The following DOCK6 variants were observed in gnomAD, a reference collection of about 807,000 sequenced individuals.
DOCK6 encodes dedicator of cytokinesis protein 6.
In DOCK6, 167 loss-of-function variants were observed where a neutral mutation model predicts 230.3. That is an observed-to-expected ratio of 0.73 (90% CI 0.64 to 0.82). The LOEUF (loss-of-function observed/expected upper bound fraction) is 0.82. DOCK6 is among the 40% of genes least tolerant of loss of function. The pLI is 0.00. For missense variants in DOCK6, 2,598 were observed against 2,825.8 expected (o/e 0.92, Z 1.83); for synonymous variants, 1,148 against 1,185.0 (o/e 0.97, Z 0.64).
intron 14 of DOCK6, chr19:11,239,576 G>A (rs770219255): frequency 7.6e-6 from 12 of 1,585,744 alleles, no homozygotes; most frequent in Middle Eastern, 1.7e-4. Flanking sequence ...GGGGATCAGT[G>A]GGGGTATGAG....
intron 14 of DOCK6, chr19:11,239,046 C>T (rs951126447): frequency 7.0e-5 from 11 of 158,048 alleles, no homozygotes; most frequent in South Asian, 1.9e-4. Context: ...CTAACATCAC[C>T]GCCATTTTAC....
chr19:11,218,966 C>T (rs1024689766), intron 28 of DOCK6, among the ~76,000 whole-genome samples: 4 of 148,736 alleles, frequency 2.7e-5, no homozygotes, highest in African/African-American at 1.0e-4. Flanking sequence ...ACAACCTCCG[C>T]CTCCCAGGTT....
intron 1 of DOCK6, chr19:11,254,012 G>A: frequency 6.1e-6 from 2 of 330,306 alleles, no homozygotes; most frequent in South Asian, 1.2e-4. Context: ...AGGTCTGGAG[G>A]GAGGCCCACG....
At chr19:11,215,365 A>G (rs749175847) in intron 32 of DOCK6, 22 bp downstream of exon 32, 2 of 1,609,708 alleles carry the variant, frequency 1.2e-6, no homozygotes, top group Non-Finnish European at 1.7e-6. Context: ...AACTCAGCAG[A>G]CACCCTCCTG....
chr19:11,219,277 G>A (rs1404322560), intron 28 of DOCK6, among the ~76,000 whole-genome samples: 2 of 141,876 alleles, frequency 1.4e-5, no homozygotes, highest in African/African-American at 5.1e-5. Flanking sequence ...TCTGCCTCCC[G>A]GGTTCAAGTG....
intron 30 of DOCK6, 166 bp from the exon 31 acceptor site, chr19:11,216,093 T>A: frequency 2.5e-6 from 2 of 815,206 alleles, no homozygotes; most frequent in Non-Finnish European, 3.6e-6. Context: ...AAAAAAAATT[T>A]TTTTTTTTTC....
At position 11,236,037 on chromosome 19, in the gene DOCK6, C is replaced by T. The variant is rs559668028; in HGVS notation, c.2393-278G>A. 1.8e-4 allele frequency: 88 copies of T among 494,718 alleles called. No individual in the cohort carries two copies. Among genetic ancestry groups the T allele is most frequent in the South Asian group, 9.8e-4 (32 of 32,658 alleles). The allele number at this position is 494,718 out of a possible 1,614,324, so 30.6% of individuals were successfully genotyped here. On this transcript the variant is annotated intron_variant, in intron 20 of 47. Transcript: ENST00000294618. This position sits in a 1 kb window ranked among gnomAD's most constrained non-coding sequence, Gnocchi z 5.2. Reference sequence around the variant, plus strand: ...CTGGGATTACAGGCATGCGCCACCACGCCCAGCTAATTTTGTATTTTTAGT... The same window carrying T: ...CTGGGATTACAGGCATGCGCCACCATGCCCAGCTAATTTTGTATTTTTAGT...
intron 1 of DOCK6, among the ~76,000 whole-genome samples, chr19:11,255,825 T>C (rs1306154625): frequency 2.0e-5 from 3 of 152,204 alleles, no homozygotes; most frequent in East Asian, 1.9e-4. Flanking sequence ...CTCGATCTGT[T>C]GCCCACGCTG....
At position 11,227,320 on chromosome 19, in the gene DOCK6, GACCCTGCATCTCTC is replaced by G; in HGVS notation, c.2955+3_2955+16del. 6.2e-7 allele frequency: 1 copy of G among 1,612,118 alleles called. No individual in the cohort carries two copies. Among genetic ancestry groups the G allele is most frequent in the East Asian group, 2.2e-5 (1 of 44,826 alleles). On this transcript the variant is annotated splice_donor_5th_base_variant and intron_variant, in intron 24 of 47. Transcript: ENST00000294618. ...TCCCTCAGGTTTCTTCCCACATTGA[GACCCTGCATCTCTC>G]ACCTTGTGGACACGGGTGATGACCT...
At chr19:11,241,797 C>T (rs1427218864) in intron 14 of DOCK6, 7 of 1,509,904 alleles carry the variant, frequency 4.6e-6, no homozygotes, top group Admixed American at 2.0e-5. Flanking sequence ...AGCCAGGGCG[C>T]CGGGCCCCAC....
intron 9 of DOCK6, among the ~76,000 whole-genome samples, chr19:11,244,941 T>C (rs2080009704): frequency 6.6e-6 from 1 of 152,184 alleles, no homozygotes; most frequent in Non-Finnish European, 1.5e-5. Flanking sequence ...ACTCTGGGCA[T>C]GGCTCTGAGC....
rs769171860 is a variant in DOCK6 at position 11,208,819 on chromosome 19, G to A, written c.4955C>T (p.Ser1652Phe). The A allele has an allele frequency of 1.2e-6, 2 of 1,613,028 alleles. No individual in the cohort carries two copies. Among genetic ancestry groups the A allele is most frequent in the East Asian group, 2.2e-5 (1 of 44,892 alleles). ...GATGGCGGACTCCTCTAGCACGTTGGATGAGATGTTCTGGGGTGGGAGAGG... is the reference window on the plus strand; with the variant it reads ...GATGGCGGACTCCTCTAGCACGTTGAATGAGATGTTCTGGGGTGGGAGAGG... The part of the protein sequence containing the change: ...VGCVSFQNIS[S>F]NVLEESAISD... Residue 1652 changes from serine to phenylalanine, a missense_variant, in exon 39 of 48, where the codon TCC (serine) becomes TTC (phenylalanine). By Grantham distance (155) the Ser-to-Phe change is radical. Coordinates refer to ENST00000294618, the MANE Select transcript of DOCK6 (RefSeq NM_020812.4).
Position 11,239,951 on chromosome 19 carries a change from C to T in DOCK6, c.1644-1647G>A, listed in dbSNP as rs554624483. On this transcript the variant is annotated intron_variant, in intron 14 of 47. Transcript: ENST00000294618. The stretch of plus-strand genomic sequence containing the variant: ...GAGACTCAGGTGGGCACCGTAGCTG[C>T]GACACTGTGGGGTGGCCAGGAGTCC... The T allele has an allele frequency of 1.5e-5, 24 of 1,569,218 alleles. No homozygotes were observed. The Admixed American group carries it at 1.9e-4, about 12-fold the overall frequency.
intron 39 of DOCK6, 56 bp downstream of exon 39, chr19:11,208,630 G>A: frequency 1.3e-6 from 2 of 1,575,440 alleles, no homozygotes; most frequent in Non-Finnish European, 1.7e-6. Context: ...AAGCAGATCT[G>A]ATGGCACCTC....
At chr19:11,245,995 C>A in intron 7 of DOCK6, 117 bp from the exon 8 acceptor site, 1 of 1,168,530 alleles carries the variant, frequency 8.6e-7, no homozygotes, top group Non-Finnish European at 1.2e-6. Context: ...CACATGGAAC[C>A]GCCACTTAAG....
chr19:11,214,472 G>T, intron 33 of DOCK6, 63 bp from the exon 34 acceptor site: 2 of 1,613,600 alleles, frequency 1.2e-6, no homozygotes, highest in Non-Finnish European at 8.5e-7. Flanking sequence ...GGAAAGGGAA[G>T]GAGAGGGATT....
intron 14 of DOCK6, chr19:11,240,026 C>A (rs537756153): frequency 1.3e-6 from 2 of 1,545,456 alleles, no homozygotes; most frequent in Non-Finnish European, 1.8e-6. Flanking sequence ...TTGCCCAGGA[C>A]TGAAGGGATT....
intron 24 of DOCK6, 39 bp downstream of exon 24, chr19:11,227,298 C>A: frequency 6.2e-7 from 1 of 1,605,480 alleles, no homozygotes; most frequent in Non-Finnish European, 8.5e-7. Context: ...TATGTCCTCC[C>A]TCAGGTTTCT....
At position 11,235,619 on chromosome 19, in the gene DOCK6, T is replaced by A; in HGVS notation, c.2533A>T (p.Thr845Ser). 3 of 1,600,218 alleles carry A rather than the reference T, an allele frequency of 1.9e-6. No homozygotes were observed. The highest frequency in any genetic ancestry group is 2.6e-6 in the Non-Finnish European group (3 of 1,172,380). The change falls in exon 21 of 48, where the codon ACT becomes TCT. Residue 845 changes from threonine (T) to serine (S), a missense_variant. Physicochemically the swap from Thr to Ser is moderately conservative, Grantham distance 58 (BLOSUM62 1). Transcript: ENST00000294618. Reference protein sequence around the residue: ...YVHYAFRLPGTEPSLPDGAPP... With the variant: ...YVHYAFRLPGSEPSLPDGAPP... ...TCACCATCCGGGAGGCTGGGCTCAG[T>A]GCCAGGAAGGCGAAAGGCGTAGTGG...
Sources: gnomAD v4.1 joint callset for allele counts (sites outside exome capture counted in the v4.1 genomes callset) on GRCh38, gnomAD v4.1.1 for gene constraint, Gnocchi (gnomAD v3.1) non-coding constraint, MANE v1.5 for transcripts, NCBI Gene and HGNC (gene_info 2026-07-23, HGNC 2026-07-21) for gene names.